BMP2K: variants seen among roughly 807,000 people sequenced by gnomAD.
BMP2K encodes the protein BMP-2-inducible protein kinase.
Under a neutral mutation model 116.0 loss-of-function variants are expected in BMP2K, and 74 were observed. That is an observed-to-expected ratio of 0.64 (90% confidence interval 0.53 to 0.77). The LOEUF (loss-of-function observed/expected upper bound fraction) is 0.77, where lower values mean the gene tolerates loss of function less well. Ranked by LOEUF, BMP2K falls within the 30% of genes least tolerant of loss-of-function variation. BMP2K has a pLI of 0.00. For missense variants in BMP2K, 1,365 were observed against 1,403.6 expected, an observed-to-expected ratio of 0.97 and a Z score of 0.44; for synonymous variants, 486 against 502.5, an observed-to-expected ratio of 0.97 and a Z score of 0.44.
intron 1 of BMP2K, among the ~76,000 whole-genome samples, chr4:78,805,678 C>T (rs184382112): frequency 1.2e-3 from 184 of 152,216 alleles, no homozygotes; most frequent in Middle Eastern, 0.01. Context: ...TATAGAAATA[C>T]AGTTCCTTTA....
At chr4:78,909,478 G>A (rs1226064172) in intron 15 of BMP2K, among the ~76,000 whole-genome samples, 1 of 152,076 alleles carries the variant, frequency 6.6e-6, no homozygotes, top group Non-Finnish European at 1.5e-5. Flanking sequence ...TGGCCTTAGA[G>A]GACCTTCACA....
intron 1 of BMP2K, among the ~76,000 whole-genome samples, chr4:78,793,971 T>G (rs189055487): frequency 1.2e-4 from 18 of 152,220 alleles, no homozygotes; most frequent in Admixed American, 1.2e-3. Flanking sequence ...GTATACAGTT[T>G]ACAGTGTATA....
At chr4:78,810,779 A>G (rs914489447) in intron 1 of BMP2K, among the ~76,000 whole-genome samples, 2 of 151,872 alleles carry the variant, frequency 1.3e-5, no homozygotes, top group Non-Finnish European at 2.9e-5. Context: ...AAATGCTGCA[A>G]AGCTTGCTGT....
In BMP2K at chr4:78,914,714, A is replaced by G. The variant is rs1276289511; in HGVS notation, c.*2681A>G. ...GAAAGGTTATTATATATGTACCACT[A>G]AGCAAATATATATATATATATATAT... is the stretch of plus-strand genomic sequence containing the variant. On this transcript the variant is annotated 3_prime_UTR_variant, in exon 16 of 16. Coordinates refer to ENST00000502613, the MANE Select transcript of BMP2K (RefSeq NM_198892.2). 2.7e-5 allele frequency: 4 copies of G among 149,782 alleles called. No individual in the cohort carries two copies. The highest frequency in any genetic ancestry group is 4.9e-5 in the African/African-American group (2 of 40,604). 9.3% of individuals were successfully genotyped at this position (149,782 alleles called of 1,614,324 possible). A position where few individuals can be genotyped will look rare whatever the true frequency, so the allele number is the denominator to read the frequency against.
chr4:78,909,363 A>T (rs550819143), intron 15 of BMP2K, among the ~76,000 whole-genome samples: 4 of 55,574 alleles, frequency 7.2e-5, no homozygotes, highest in African/African-American at 2.2e-4. Flanking sequence ...TAGAGCAGTC[A>T]TTTTTTTTTA....
intron 1 of BMP2K, among the ~76,000 whole-genome samples, chr4:78,820,110 C>T (rs1014682193): frequency 6.6e-5 from 10 of 152,160 alleles, no homozygotes; most frequent in Non-Finnish European, 1.5e-4. Context: ...AATCTTGAAG[C>T]AACTTTAAAA....
At chr4:78,823,227 A>G (rs1428130315) in intron 1 of BMP2K, among the ~76,000 whole-genome samples, 1 of 152,062 alleles carries the variant, frequency 6.6e-6, no homozygotes, top group Non-Finnish European at 1.5e-5. Context: ...AAGAAAACCT[A>G]CTTGATACTT....
At position 78,912,652 on chromosome 4, in the gene BMP2K, A is replaced by G. The variant is rs1734710159; in HGVS notation, c.*619A>G. On this transcript the variant is annotated 3_prime_UTR_variant, in exon 16 of 16. Transcript: ENST00000502613. ...AAGTGCCATTAAAATGGAATATCTA[A>G]TGATAAGCATATGAAATAATGTGTA... is the stretch of plus-strand genomic sequence containing the variant. 1 of 152,232 alleles carries G rather than the reference A, an allele frequency of 6.6e-6. No homozygotes were observed. Among genetic ancestry groups the G allele is most frequent in the African/African-American group, 2.4e-5 (1 of 41,460 alleles). The allele number at this position is 152,232 out of a possible 1,614,324, so 9.4% of individuals were successfully genotyped here.
At chr4:78,904,464 T>C (rs1420343212) in intron 15 of BMP2K, among the ~76,000 whole-genome samples, 1 of 151,968 alleles carries the variant, frequency 6.6e-6, no homozygotes. Context: ...TTTGCAATAC[T>C]TGTAATTTTC....
In BMP2K at chr4:78,912,709, A is replaced by G. The variant is rs1370290612; in HGVS notation, c.*676A>G. ...TCAATTTAACTATTCCACAACTTACATATTCCAAAACAATGTTATACATGA... is the reference window on the plus strand; with the variant it reads ...TCAATTTAACTATTCCACAACTTACGTATTCCAAAACAATGTTATACATGA... On this transcript the variant is annotated 3_prime_UTR_variant, in exon 16 of 16. Coordinates refer to ENST00000502613, the MANE Select transcript of BMP2K (RefSeq NM_198892.2). The G allele has an allele frequency of 6.6e-6, 1 of 152,232 alleles. No homozygotes were observed. The highest frequency in any genetic ancestry group is 6.5e-5 in the Admixed American group (1 of 15,282). The allele number at this position is 152,232 out of a possible 1,614,324, so 9.4% of individuals were successfully genotyped here. A position where few individuals can be genotyped will look rare whatever the true frequency, so the allele number is the denominator to read the frequency against.
At chr4:78,825,810 G>A (rs1283984980) in intron 1 of BMP2K, among the ~76,000 whole-genome samples, 1 of 152,192 alleles carries the variant, frequency 6.6e-6, no homozygotes, top group Non-Finnish European at 1.5e-5. Context: ...TAGCCTTTAA[G>A]AGAGAAGCGT....
chr4:78,879,120 TA>T, intron 14 of BMP2K: 1 of 1,250,218 alleles, frequency 8.0e-7, no homozygotes, highest in Non-Finnish European at 1.0e-6. Context: ...AGTATGCTAA[TA>T]TCCTAAAACT....
At chr4:78,898,125 C>G (rs1733799620) in intron 15 of BMP2K, among the ~76,000 whole-genome samples, 1 of 152,118 alleles carries the variant, frequency 6.6e-6, no homozygotes, top group Non-Finnish European at 1.5e-5. Context: ...GAGCAAAGTT[C>G]TAAGACAATT....
At chr4:78,800,669 TTAAAC>T (rs760136761) in intron 1 of BMP2K, among the ~76,000 whole-genome samples, 1 of 152,216 alleles carries the variant, frequency 6.6e-6, no homozygotes, top group African/African-American at 2.4e-5. Context: ...TTGGAATAGT[TTAAAC>T]TACAGCTGTC....
intron 15 of BMP2K, among the ~76,000 whole-genome samples, chr4:78,899,987 A>T (rs1393670910): frequency 6.6e-6 from 1 of 152,172 alleles, no homozygotes; most frequent in African/African-American, 2.4e-5. Context: ...GTTGATATAT[A>T]CAGTCGATCC....
rs894028819 is a variant in BMP2K, at chr4:78,865,407, A to G, written c.1068-150A>G. ...TTTCTGTGTTTAGTAAACGTTTAAT[A>G]CTTGAAAATGAGCCTTAGGAGAAAG... On this transcript the variant is annotated intron_variant, in intron 9 of 15. Transcript: ENST00000502613. 1.1e-5 allele frequency: 8 copies of G among 717,450 alleles called. No individual in the cohort carries two copies. In the East Asian group the frequency reaches 1.4e-4, roughly 12 times the overall value. 44.4% of individuals were successfully genotyped at this position (717,450 alleles called of 1,614,324 possible). A position where few individuals can be genotyped will look rare whatever the true frequency, so the allele number is the denominator to read the frequency against.
intron 1 of BMP2K, among the ~76,000 whole-genome samples, chr4:78,799,150 A>G (rs754772987): frequency 2.0e-5 from 3 of 152,200 alleles, no homozygotes; most frequent in Non-Finnish European, 4.4e-5. Context: ...GCCAATTTAC[A>G]TTGACAGTTT....
At chr4:78,826,227 C>T (rs1390456477) in intron 2 of BMP2K, 72 bp downstream of exon 2, 1 of 1,198,428 alleles carries the variant, frequency 8.3e-7, no homozygotes, top group Non-Finnish European at 1.2e-6. Flanking sequence ...GGATGGAGTG[C>T]AGTGGAGTGG....
intron 9 of BMP2K, among the ~76,000 whole-genome samples, chr4:78,864,399 AT>A (rs1343973724): frequency 1.3e-5 from 2 of 151,460 alleles, no homozygotes; most frequent in East Asian, 3.9e-4. Flanking sequence ...ATATACACCG[AT>A]ATATATATCG....
Sources: gnomAD v4.1 joint callset for allele counts (sites outside exome capture counted in the v4.1 genomes callset) on GRCh38, gnomAD v4.1.1 for gene constraint, MANE v1.5 for transcripts, NCBI Gene and HGNC (gene_info 2026-07-23, HGNC 2026-07-21) for gene names.